RBFOX1: variants seen among roughly 807,000 people sequenced by gnomAD.
The protein encoded by RBFOX1 is RNA binding fox-1 homolog 1.
A neutral mutation model predicts 57.7 loss-of-function variants in RBFOX1; 8 were observed. That is an observed-to-expected ratio of 0.14 (90% confidence interval 0.08 to 0.25). The LOEUF (loss-of-function observed/expected upper bound fraction) is 0.25, where lower values mean the gene tolerates loss of function less well. RBFOX1 is among the 10% of genes least tolerant of loss of function. The pLI, the probability that RBFOX1 is intolerant of heterozygous loss-of-function variation, is 1.00. For synonymous variants in RBFOX1, 326 were observed against 222.4 expected, an observed-to-expected ratio of 1.47 and a Z score of -4.15; for missense variants, 611 against 548.5, an observed-to-expected ratio of 1.11 and a Z score of -1.14.
At chr16:6,228,572 A>G (rs927901433) in intron 1 of RBFOX1, among the ~76,000 whole-genome samples, 1 of 152,152 alleles carries the variant, frequency 6.6e-6, no homozygotes, top group African/African-American at 2.4e-5. Flanking sequence ...TAGAAAGACA[A>G]ATGCTGCATT....
chr16:7,539,797 C>A (rs570935708), intron 5 of RBFOX1, among the ~76,000 whole-genome samples: 1 of 152,070 alleles, frequency 6.6e-6, no homozygotes, highest in Non-Finnish European at 1.5e-5. Flanking sequence ...AGATGAAAGA[C>A]GAGAGAGGAG....
At position 7,597,417 on chromosome 16, in the gene RBFOX1, A is replaced by T; in HGVS notation, c.608A>T (p.Asn203Ile). 1 of 1,609,890 alleles carries T rather than the reference A, an allele frequency of 6.2e-7. No individual in the cohort carries two copies. Among genetic ancestry groups the T allele is most frequent in the Non-Finnish European group, 8.5e-7 (1 of 1,176,988 alleles). The change falls in exon 9 of 16, where the codon AAC becomes ATC. Residue 203 changes from asparagine to isoleucine, a missense_variant. Around this residue, in one of 3 missense-constraint regions of RBFOX1, gnomAD observed 99 missense variants for 160.3 expected, o/e 0.62. Transcript: ENST00000550418. ...GTAATGACAAATAAAAAGACCGTCA[A>T]CCCTTATACAAATGGTAAGTAGAGA... ...ARVMTNKKTV[N>I]PYTNGWKLNP... is the part of the protein sequence containing the mutation.
intron 4 of RBFOX1, among the ~76,000 whole-genome samples, chr16:7,345,261 T>A (rs1312144862): frequency 1.3e-5 from 2 of 152,154 alleles, no homozygotes; most frequent in Non-Finnish European, 2.9e-5. Context: ...GGTGGTGTGT[T>A]ATTTCTCCCT....
chr16:5,803,657 C>T (rs910405663), intron 3 of RBFOX1, among the ~76,000 whole-genome samples: 2 of 152,124 alleles, frequency 1.3e-5, no homozygotes, highest in African/African-American at 2.4e-5. Context: ...TGCTAGAATT[C>T]TACAAAGAGA....
At chr16:7,519,119 T>C (rs571544851) in intron 5 of RBFOX1, among the ~76,000 whole-genome samples, 4 of 152,362 alleles carry the variant, frequency 2.6e-5, no homozygotes, top group African/African-American at 9.6e-5. Context: ...TTAGCATATT[T>C]ACGGAGTTGT....
At chr16:7,472,830 G>A (rs1472348173) in intron 4 of RBFOX1, among the ~76,000 whole-genome samples, 2 of 152,204 alleles carry the variant, frequency 1.3e-5, no homozygotes, top group Non-Finnish European at 2.9e-5. Flanking sequence ...TTAGATAAAA[G>A]TGTTAGCAGG....
At chr16:5,538,675 G>A (rs2044803795) in intron 2 of RBFOX1, among the ~76,000 whole-genome samples, 1 of 150,490 alleles carries the variant, frequency 6.6e-6, no homozygotes, top group Admixed American at 6.6e-5. Flanking sequence ...GCCTAGGCTG[G>A]AGTGCAGTGG....
intron 1 of RBFOX1, among the ~76,000 whole-genome samples, chr16:5,363,774 A>ACT (rs1250869084): frequency 5.3e-5 from 8 of 152,216 alleles, no homozygotes; most frequent in Non-Finnish European, 7.3e-5. Flanking sequence ...TTGTATTACC[A>ACT]GGGCCAGAAG....
intron 1 of RBFOX1, among the ~76,000 whole-genome samples, chr16:5,267,739 A>G (rs965071485): frequency 6.6e-6 from 1 of 152,166 alleles, no homozygotes; most frequent in Non-Finnish European, 1.5e-5. Context: ...TATTCAACAA[A>G]CTTGTGTGGA....
intron 2 of RBFOX1, among the ~76,000 whole-genome samples, chr16:6,604,287 T>C (rs1284192534): frequency 6.6e-6 from 1 of 152,178 alleles, no homozygotes; most frequent in East Asian, 1.9e-4. Flanking sequence ...GAAAAAAACC[T>C]CAATAAATAT....
At chr16:7,601,554 T>C (rs1448339610) in intron 9 of RBFOX1, among the ~76,000 whole-genome samples, 1 of 152,148 alleles carries the variant, frequency 6.6e-6, no homozygotes, top group African/African-American at 2.4e-5. Context: ...TTTGAAAAAC[T>C]CAGTCTTTTG....
intron 1 of RBFOX1, among the ~76,000 whole-genome samples, chr16:6,128,913 T>C (rs2096609489): frequency 6.6e-6 from 1 of 152,156 alleles, no homozygotes; most frequent in African/African-American, 2.4e-5. Flanking sequence ...CCAGTTTCAC[T>C]AGAATAAGAC....
chr16:6,275,253 G>A (rs1396266255), intron 1 of RBFOX1, among the ~76,000 whole-genome samples: 1 of 151,968 alleles, frequency 6.6e-6, no homozygotes, highest in Admixed American at 6.6e-5. Context: ...GGAGCTTGCA[G>A]TGAGCCGAGA....
chr16:6,727,571 T>A (rs1474051609), intron 3 of RBFOX1, among the ~76,000 whole-genome samples: 1 of 152,094 alleles, frequency 6.6e-6, no homozygotes, highest in Non-Finnish European at 1.5e-5. Flanking sequence ...AAACAGCTCT[T>A]GGGGCCTATG....
rs191669356 is a variant in RBFOX1 at position 7,262,665 on chromosome 16, A to G, written c.27+210567A>G. 1.2e-3 allele frequency among the ~76,000 whole-genome samples: 184 copies of G among 152,380 alleles called. 1 individual carries two copies. Among genetic ancestry groups the G allele is most frequent in the African/African-American group, 4.1e-3 (169 of 41,588 alleles). On this transcript the variant is annotated intron_variant, in intron 4 of 15. Coordinates refer to ENST00000550418, the MANE Select transcript of RBFOX1 (RefSeq NM_018723.4). ...CTGTCTCAAATACAATCTGCAATCTATCAAGGAGGGCGTGGAGGTGTCCTG... is the reference window on the plus strand; with the variant it reads ...CTGTCTCAAATACAATCTGCAATCTGTCAAGGAGGGCGTGGAGGTGTCCTG...
intron 1 of RBFOX1, among the ~76,000 whole-genome samples, chr16:6,300,757 C>T (rs1286722618): frequency 1.3e-5 from 2 of 152,184 alleles, no homozygotes; most frequent in African/African-American, 2.4e-5. Flanking sequence ...TGCATTATCA[C>T]AGTTGCCACT....
intron 4 of RBFOX1, among the ~76,000 whole-genome samples, chr16:5,898,453 A>G (rs1032829878): frequency 1.3e-5 from 2 of 152,058 alleles, no homozygotes; most frequent in Admixed American, 6.5e-5. Flanking sequence ...ATCCTGGCCT[A>G]GAGAATAATC....
chr16:6,305,894 C>G (rs2079451221), intron 1 of RBFOX1, among the ~76,000 whole-genome samples: 1 of 151,912 alleles, frequency 6.6e-6, no homozygotes, highest in African/African-American at 2.4e-5. Flanking sequence ...CTAACTGACC[C>G]CTTAGGAGCT....
chr16:5,679,075 A>G (rs546128608), intron 3 of RBFOX1, among the ~76,000 whole-genome samples: 14 of 152,336 alleles, frequency 9.2e-5, no homozygotes, highest in African/African-American at 2.2e-4. Context: ...CTGCATCTCA[A>G]TTCATTACTC....
Sources: gnomAD v4.1 joint callset for allele counts (sites outside exome capture counted in the v4.1 genomes callset) on GRCh38, gnomAD v4.1.1 for gene constraint, gnomAD v4.1.1 regional missense constraint, MANE v1.5 for transcripts, NCBI Gene and HGNC (gene_info 2026-07-23, HGNC 2026-07-21) for gene names.